The following SRPX variants were observed in gnomAD, a reference collection of about 807,000 sequenced individuals.
SRPX encodes the protein sushi repeat containing protein X-linked.
Under a neutral mutation model 38.1 loss-of-function variants are expected in SRPX, and 24 were observed. That is an observed-to-expected ratio of 0.63 (90% confidence interval 0.46 to 0.89). SRPX has a LOEUF of 0.89. SRPX is among the 40% of genes least tolerant of loss of function. SRPX has a pLI of 0.00. For missense variants in SRPX, 416 were observed against 377.8 expected (o/e 1.10, Z -0.84); for synonymous variants, 184 against 153.8 (o/e 1.20, Z -1.45).
intron 1 of SRPX, among the ~76,000 whole-genome samples, chrX:38,214,194 T>G (rs1427017076): frequency 8.9e-6 from 1 of 111,920 alleles, no homozygotes; most frequent in Admixed American, 9.5e-5. Context: ...TTTAACTCTC[T>G]GTGTGACCCC....
rs761156659 is a variant in SRPX, at chrX:38,149,890, A to G, written c.1216T>C (p.Leu406=). ...AAGGAGTAGAGTGGGATTCGCAGCA[A>G]CAGCCTGTGGCAGACAAAGAAAAGA... ...PPALALQLRL[L]LRIPLYSFSM... The change falls in exon 10 of 10, where the codon TTG becomes CTG. Residue 406 remains leucine (L), a synonymous_variant. Transcript: ENST00000378533. 2.5e-6 allele frequency: 3 copies of G among 1,201,434 alleles called. No homozygotes were observed. The highest frequency in any genetic ancestry group is 4.5e-5 in the Admixed American group (2 of 44,760).
chrX:38,149,414 T>C lies in SRPX; in HGVS notation c.*297A>G, dbSNP rs1937966767. 2 of 196,020 alleles carry C rather than the reference T, an allele frequency of 1.0e-5. No individual in the cohort carries two copies. The highest frequency in any genetic ancestry group is 1.9e-5 in the Non-Finnish European group (2 of 107,351). 16.2% of individuals were successfully genotyped at this position (196,020 alleles called of 1,213,427 possible). A position where few individuals can be genotyped will look rare whatever the true frequency, so the allele number is the denominator to read the frequency against. On this transcript the variant is annotated 3_prime_UTR_variant, in exon 10 of 10. Transcript: ENST00000378533. ...AAATAGAAAAGAGTTAGGTGTCACA[T>C]TGAATAACATGTTGATAGCCTGTGT...
At chrX:38,160,479 T>C (rs1265800380) in intron 6 of SRPX, among the ~76,000 whole-genome samples, 1 of 111,861 alleles carries the variant, frequency 8.9e-6, no homozygotes, top group Non-Finnish European at 1.9e-5. Context: ...AGCAATTAGT[T>C]GCCCAAACCA....
At chrX:38,171,613 A>C (rs1043433507) in intron 4 of SRPX, among the ~76,000 whole-genome samples, 1 of 111,879 alleles carries the variant, frequency 8.9e-6, no homozygotes, top group African/African-American at 3.2e-5. Flanking sequence ...GGAGTATGCC[A>C]CATCTCTGCC....
At position 38,160,141 on chromosome X, in the gene SRPX, G is replaced by C. The variant is rs377733865; in HGVS notation, c.831C>G (p.Ser277Arg). The C allele has an allele frequency of 2.5e-6, 3 of 1,211,896 alleles. No individual in the cohort carries two copies. Among genetic ancestry groups the C allele is most frequent in the Middle Eastern group, 2.3e-4 (1 of 4,352 alleles). Residue 277 changes from serine (S) to arginine (R), a missense_variant, in exon 7 of 10, where the codon AGC becomes AGG. Coordinates refer to ENST00000378533, the MANE Select transcript of SRPX (RefSeq NM_006307.5). ...APENGYMKCS[S>R]DGDNYGATCE... is the part of the protein sequence containing the mutation. ...AGGTGGCTCCATAATTATCACCGTC[G>C]CTGGAGCACTTCATGTAACCATTCT... is the stretch of plus-strand genomic sequence containing the variant.
chrX:38,212,044 G>A (rs1373474299), intron 1 of SRPX, among the ~76,000 whole-genome samples: 3 of 111,901 alleles, frequency 2.7e-5, no homozygotes, highest in Non-Finnish European at 5.6e-5. Flanking sequence ...TGGCAGGAGC[G>A]GCCCTGATCA....
At chrX:38,166,617 C>T (rs1318368184) in intron 4 of SRPX, among the ~76,000 whole-genome samples, 3 of 112,074 alleles carry the variant, frequency 2.7e-5, no homozygotes, top group Non-Finnish European at 1.9e-5. Context: ...TGATAGAAGA[C>T]AAACTTTTAT....
chrX:38,187,637 A>C (rs1938811538), intron 1 of SRPX, among the ~76,000 whole-genome samples: 2 of 112,355 alleles, frequency 1.8e-5, no homozygotes, highest in African/African-American at 6.5e-5. Context: ...TTTATTGCTG[A>C]AAGGTGCTAT....
chrX:38,154,704 A>T, intron 8 of SRPX, 121 bp from the exon 9 acceptor site: 1 of 918,072 alleles, frequency 1.1e-6, no homozygotes, highest in Non-Finnish European at 1.5e-6. Flanking sequence ...GCTCACTCTG[A>T]ACTGTCCTGA....
chrX:38,154,547 C>T lies in SRPX; in HGVS notation c.1126G>A (p.Val376Met), dbSNP rs1048630082. The change falls in exon 9 of 10, where the codon GTG becomes ATG. Residue 376 changes from valine to methionine, a missense_variant. By Grantham distance (21) the Val-to-Met change is conservative. Transcript: ENST00000378533. ...GGGAACACACCCACCAGCTCCACCA[C>T]GGTGATGTGTCGAAGATCAAGGCCA... is the stretch of plus-strand genomic sequence containing the variant. ...QCGLDLRHIT[V>M]VELVGVFPTL... 5.0e-6 allele frequency: 6 copies of T among 1,206,543 alleles called. No individual in the cohort carries two copies. The highest frequency in any genetic ancestry group is 6.7e-6 in the Non-Finnish European group (6 of 893,662).
At chrX:38,196,945 A>G (rs1454745451) in intron 1 of SRPX, among the ~76,000 whole-genome samples, 1 of 111,681 alleles carries the variant, frequency 9.0e-6, no homozygotes, top group Non-Finnish European at 1.9e-5. Flanking sequence ...GAGCTCCCAC[A>G]GGACTGGAGT....
intron 2 of SRPX, among the ~76,000 whole-genome samples, chrX:38,177,163 A>T (rs1310297165): frequency 8.9e-6 from 1 of 112,008 alleles, no homozygotes; most frequent in Non-Finnish European, 1.9e-5. Context: ...ACCCATAAAT[A>T]GTTAAGAAGT....
intron 4 of SRPX, among the ~76,000 whole-genome samples, chrX:38,168,403 G>C (rs993783469): frequency 3.6e-5 from 4 of 111,835 alleles, no homozygotes; most frequent in Non-Finnish European, 7.5e-5. Context: ...TGAGGTACCA[G>C]ACCTGTGAGT....
chrX:38,194,237 G>A (rs1377472456), intron 1 of SRPX, among the ~76,000 whole-genome samples: 1 of 111,567 alleles, frequency 9.0e-6, no homozygotes, highest in Non-Finnish European at 1.9e-5. Context: ...GTGAGTGAAA[G>A]AAGGAAAATC....
chrX:38,192,517 C>T (rs1198669434), intron 1 of SRPX, among the ~76,000 whole-genome samples: 2 of 112,303 alleles, frequency 1.8e-5, no homozygotes, highest in African/African-American at 3.2e-5. Flanking sequence ...CAGAGTTTAA[C>T]AAAGAGGCTA....
intron 8 of SRPX, among the ~76,000 whole-genome samples, chrX:38,155,797 GC>G (rs1381738565): frequency 1.1e-4 from 12 of 111,740 alleles, no homozygotes; most frequent in African/African-American, 3.9e-4. Flanking sequence ...AGAGGTATAA[GC>G]TTGTGTTTTC....
At chrX:38,179,630 A>G (rs1340271293) in intron 1 of SRPX, among the ~76,000 whole-genome samples, 1 of 111,738 alleles carries the variant, frequency 8.9e-6, no homozygotes, top group Non-Finnish European at 1.9e-5. Context: ...TCTGGATGAG[A>G]GATGTAGAGT....
At chrX:38,175,895 G>C (rs1601856786) in intron 2 of SRPX, among the ~76,000 whole-genome samples, 1 of 111,344 alleles carries the variant, frequency 9.0e-6, no homozygotes, top group Non-Finnish European at 1.9e-5. Flanking sequence ...TTCCTCTAAG[G>C]GTTTTAATAT....
At chrX:38,219,644 C>T (rs892285399) in intron 1 of SRPX, among the ~76,000 whole-genome samples, 1 of 112,068 alleles carries the variant, frequency 8.9e-6, no homozygotes, top group Admixed American at 9.4e-5. Flanking sequence ...ATCCCTACAT[C>T]TCCCAAGCAC....
Sources: gnomAD v4.1 joint callset for allele counts (sites outside exome capture counted in the v4.1 genomes callset) on GRCh38, gnomAD v4.1.1 for gene constraint, MANE v1.5 for transcripts, NCBI Gene and HGNC (gene_info 2026-07-23, HGNC 2026-07-21) for gene names.